Variants in PCDHA9 observed in about 807,000 individuals in gnomAD.
PCDHA9 encodes protocadherin alpha 9, also known as protocadherin alpha-9.
A neutral mutation model predicts 62.0 loss-of-function variants in PCDHA9; 62 were observed. The observed-to-expected ratio is 1.00, with a 90% CI of 0.81 to 1.23. The LOEUF (loss-of-function observed/expected upper bound fraction) is 1.23, where lower values mean the gene tolerates loss of function less well. Among genes scored for constraint, PCDHA9 ranks in the 50% most tolerant of loss-of-function variants. The probability of loss-of-function intolerance (pLI) is 0.00; values close to 1 mark genes in which losing one functional copy is unlikely to be tolerated. For missense variants in PCDHA9, 1,205 were observed against 1,249.8 expected, an observed-to-expected ratio of 0.96 and a Z score of 0.54; for synonymous variants, 557 against 567.6, an observed-to-expected ratio of 0.98 and a Z score of 0.27.
rs576672267 is a variant in PCDHA9 at position 140,878,151 on chromosome 5, T to G, written c.2394+27262T>G. 31 of 178,298 alleles carry G rather than the reference T, an allele frequency of 1.7e-4. No individual in the cohort carries two copies. The Middle Eastern group carries it at 7.4e-3, about 42-fold the overall frequency. The allele number at this position is 178,298 out of a possible 1,614,324, so 11.0% of individuals were successfully genotyped here. On this transcript the variant is annotated intron_variant, in intron 1 of 3. Coordinates refer to ENST00000532602, the MANE Select transcript of PCDHA9 (RefSeq NM_031857.2). Reference sequence around the variant, plus strand: ...AAAAGTGGCCAGATGTTTGATAACTTAAAAATTTAATTTGTTCATAATTTC... The same window carrying G: ...AAAAGTGGCCAGATGTTTGATAACTGAAAAATTTAATTTGTTCATAATTTC...
intron 1 of PCDHA9, chr5:140,863,757 G>A (rs2048159267): frequency 4.1e-6 from 1 of 243,012 alleles, no homozygotes; most frequent in Non-Finnish European, 8.1e-6. Context: ...CCGGCACTTT[G>A]GGAAGCCGAG....
chr5:140,858,118 C>T (rs267600398), intron 1 of PCDHA9: 1 of 1,597,724 alleles, frequency 6.3e-7, no homozygotes, highest in East Asian at 2.2e-5. Flanking sequence ...CCGAGGTGGC[C>T]CTGGTGGATG....
At chr5:140,966,670 G>C in intron 1 of PCDHA9, 1 of 1,283,064 alleles carries the variant, frequency 7.8e-7, no homozygotes, top group Non-Finnish European at 1.0e-6. Flanking sequence ...AGCAGGCGCA[G>C]GGTGGCACGA....
intron 1 of PCDHA9, chr5:140,928,228 C>T: frequency 6.2e-7 from 1 of 1,614,218 alleles, no homozygotes; most frequent in Non-Finnish European, 8.5e-7. Context: ...ACCAAACTTT[C>T]CTCAACCCCA....
At chr5:140,851,790 T>A in intron 1 of PCDHA9, 1 of 955,904 alleles carries the variant, frequency 1.0e-6, no homozygotes, top group Non-Finnish European at 1.3e-6. Context: ...GAGAATTCAC[T>A]TGTTCTGTCA....
chr5:140,968,709 T>C lies in PCDHA9; in HGVS notation c.2395-10240T>C, dbSNP rs2153773320. ...GGAGAAATTAGGACTACCAGGAAGA[T>C]GGGAGATGAGAGTGGTAGCACTTTC... On this transcript the variant is annotated intron_variant, in intron 1 of 3. Coordinates refer to ENST00000532602, the MANE Select transcript of PCDHA9 (RefSeq NM_031857.2). The C allele has an allele frequency of 1.9e-6, 3 of 1,614,030 alleles. No homozygotes were observed. In the East Asian group the frequency reaches 6.7e-5, roughly 36 times the overall value.
chr5:140,877,090 G>T lies in PCDHA9; in HGVS notation c.2394+26201G>T, dbSNP rs201209762. ...GCAGTTCCAGGTGAGCGCGCGCGAC[G>T]CCGGCGTGCCGCCTCTGGGCAGCAA... is the stretch of plus-strand genomic sequence containing the variant. On this transcript the variant is annotated intron_variant, in intron 1 of 3. Coordinates refer to ENST00000532602, the MANE Select transcript of PCDHA9 (RefSeq NM_031857.2). 4,655 of 1,613,184 alleles carry T rather than the reference G, an allele frequency of 2.9e-3. 21 individuals are homozygous for T. Among genetic ancestry groups the T allele is most frequent in the African/African-American group, 0.01 (785 of 75,036 alleles).
chr5:140,853,692 C>G, intron 1 of PCDHA9: 1 of 987,924 alleles, frequency 1.0e-6, no homozygotes, highest in Non-Finnish European at 1.2e-6. Context: ...ATCCTTAGAC[C>G]TGCTAACGCA....
chr5:140,895,892 A>T (rs1554186717), intron 1 of PCDHA9, among the ~76,000 whole-genome samples: 1 of 152,080 alleles, frequency 6.6e-6, no homozygotes, highest in Non-Finnish European at 1.5e-5. Flanking sequence ...GCTCACTGCA[A>T]CCTCCGCGTC....
chr5:141,003,740 C>T (rs1490080996), intron 3 of PCDHA9, among the ~76,000 whole-genome samples: 1 of 152,146 alleles, frequency 6.6e-6, no homozygotes, highest in African/African-American at 2.4e-5. Flanking sequence ...AAAGCAAAAC[C>T]ATATTTTGTA....
At chr5:140,903,979 C>T (rs988987540) in intron 1 of PCDHA9, among the ~76,000 whole-genome samples, 3 of 152,150 alleles carry the variant, frequency 2.0e-5, no homozygotes, top group Admixed American at 2.0e-4. Flanking sequence ...GGTCTATTCA[C>T]AATGTAACAG....
intron 1 of PCDHA9, chr5:140,866,712 T>C (rs2049515311): frequency 6.6e-6 from 1 of 152,156 alleles, no homozygotes; most frequent in South Asian, 2.1e-4. Context: ...CGTGCACTAG[T>C]AAGACATTAA....
In PCDHA9 at chr5:140,927,196, G is replaced by A. The variant is rs781932405; in HGVS notation, c.2395-51753G>A. On this transcript the variant is annotated intron_variant, in intron 1 of 3. Coordinates refer to ENST00000532602, the MANE Select transcript of PCDHA9 (RefSeq NM_031857.2). ...CGTCTTGACCTACGACCTGGTGCTC[G>A]AGGACCCGCTGGAGCTGCACAAGAT... The A allele has an allele frequency of 5.6e-6, 9 of 1,614,028 alleles. No homozygotes were observed. In the South Asian group the frequency reaches 7.7e-5, roughly 14 times the overall value.
At chr5:141,006,689 G>C (rs1249412460) in intron 3 of PCDHA9, among the ~76,000 whole-genome samples, 3 of 152,072 alleles carry the variant, frequency 2.0e-5, no homozygotes, top group African/African-American at 7.2e-5. Flanking sequence ...TGGGAGAAGA[G>C]GACAGAGTCA....
At chr5:140,970,156 T>G (rs933887683) in intron 1 of PCDHA9, among the ~76,000 whole-genome samples, 1 of 152,188 alleles carries the variant, frequency 6.6e-6, no homozygotes, top group Non-Finnish European at 1.5e-5. Flanking sequence ...CTCCCAATAG[T>G]CACCTTTCTT....
intron 1 of PCDHA9, among the ~76,000 whole-genome samples, chr5:140,904,727 A>G (rs953402398): frequency 7.2e-5 from 11 of 151,992 alleles, no homozygotes; most frequent in African/African-American, 2.4e-4. Flanking sequence ...GCCAACATCT[A>G]TTATTTTTTT....
At chr5:140,918,241 G>C (rs1241592397) in intron 1 of PCDHA9, among the ~76,000 whole-genome samples, 4 of 152,162 alleles carry the variant, frequency 2.6e-5, no homozygotes, top group Admixed American at 1.3e-4. Flanking sequence ...CATTGATTTT[G>C]TATGCTGAAA....
In PCDHA9 at chr5:140,986,535, G is replaced by A. The variant is rs552843991; in HGVS notation, c.2542+3972G>A. Among the ~76,000 whole-genome samples, 134 of 152,300 alleles carry A rather than the reference G, an allele frequency of 8.8e-4. 1 individual carries two copies. Among genetic ancestry groups the A allele is most frequent in the Non-Finnish European group, 1.4e-3 (98 of 68,024 alleles). Reference sequence around the variant, plus strand: ...CCCTGCCTGTGAGGGAACTGGCCTGGCTTCAGTGGGCCAGGCTGCTTTGTT... The same window carrying A: ...CCCTGCCTGTGAGGGAACTGGCCTGACTTCAGTGGGCCAGGCTGCTTTGTT... On this transcript the variant is annotated intron_variant, in intron 3 of 3. Transcript: ENST00000532602.
At chr5:140,917,374 C>T (rs1378508006) in intron 1 of PCDHA9, among the ~76,000 whole-genome samples, 1 of 151,778 alleles carries the variant, frequency 6.6e-6, no homozygotes, top group East Asian at 1.9e-4. Flanking sequence ...CTTGCTCCAC[C>T]TCAATAGTCT....
Sources: gnomAD v4.1 joint callset for allele counts (sites outside exome capture counted in the v4.1 genomes callset) on GRCh38, gnomAD v4.1.1 for gene constraint, MANE v1.5 for transcripts, NCBI Gene and HGNC (gene_info 2026-07-23, HGNC 2026-07-21) for gene names.